The following PRKDC variants were observed in gnomAD, a reference collection of about 807,000 sequenced individuals.
PRKDC encodes the protein protein kinase, DNA-activated, catalytic subunit.
PRKDC carries 82 observed loss-of-function variants against 486.9 expected under a neutral mutation model. The observed-to-expected ratio is 0.17, with a 90% CI of 0.14 to 0.20. The LOEUF (loss-of-function observed/expected upper bound fraction) is 0.20, where lower values mean the gene tolerates loss of function less well. Among genes scored for constraint, PRKDC ranks in the 10% least tolerant of loss-of-function variants. The probability of loss-of-function intolerance (pLI) is 1.00; values close to 1 mark genes in which losing one functional copy is unlikely to be tolerated. For synonymous variants in PRKDC, 1,895 were observed against 1,837.0 expected (o/e 1.03, Z -0.81); for missense variants, 4,504 against 5,038.2 (o/e 0.89, Z 3.21).
chr8:47,795,331 A>G (rs1392160557), intron 73 of PRKDC, among the ~76,000 whole-genome samples: 2 of 148,824 alleles, frequency 1.3e-5, no homozygotes, highest in African/African-American at 5.0e-5. Flanking sequence ...CTGGGACTAC[A>G]GGCGCCTGCC....
At chr8:47,875,930 T>C (rs2089082973) in intron 40 of PRKDC, among the ~76,000 whole-genome samples, 1 of 152,214 alleles carries the variant, frequency 6.6e-6, no homozygotes, top group Non-Finnish European at 1.5e-5. Context: ...TTTTTAAAAA[T>C]ATCAGTAGAA....
At chr8:47,838,439 C>T (rs2088073342) in intron 56 of PRKDC, among the ~76,000 whole-genome samples, 1 of 152,028 alleles carries the variant, frequency 6.6e-6, no homozygotes, top group Admixed American at 6.6e-5. Context: ...TAGCAAGACC[C>T]TATCTTTACA....
chr8:47,856,314 G>A (rs868081128), intron 49 of PRKDC, among the ~76,000 whole-genome samples: 7 of 152,024 alleles, frequency 4.6e-5, no homozygotes, highest in African/African-American at 9.7e-5. Context: ...CACAACCTCC[G>A]CCTCCCGGGT....
At chr8:47,957,073 A>T (rs1456748634) in intron 3 of PRKDC, 98 bp downstream of exon 3, 1 of 806,106 alleles carries the variant, frequency 1.2e-6, no homozygotes, top group Non-Finnish European at 1.9e-6. Context: ...GAGAAAGGAA[A>T]ATGTTTTATC....
intron 10 of PRKDC, among the ~76,000 whole-genome samples, chr8:47,941,531 C>A (rs2090445345): frequency 1.3e-5 from 2 of 152,216 alleles, no homozygotes; most frequent in South Asian, 4.1e-4. Context: ...CCAGTCAATG[C>A]TCCACACATG....
At chr8:47,780,942 A>C (rs970051002) in intron 80 of PRKDC, among the ~76,000 whole-genome samples, 5 of 152,222 alleles carry the variant, frequency 3.3e-5, no homozygotes, top group African/African-American at 1.2e-4. Flanking sequence ...GTCTCAAAAA[A>C]ACAAAACACT....
intron 56 of PRKDC, among the ~76,000 whole-genome samples, chr8:47,838,518 A>T (rs2088074823): frequency 6.6e-6 from 1 of 152,144 alleles, no homozygotes; most frequent in Admixed American, 6.5e-5. Context: ...AGGCTGAGGG[A>T]GGAGGATCAT....
At position 47,819,453 on chromosome 8, in the gene PRKDC, C is replaced by A; in HGVS notation, c.9394G>T (p.Val3132Leu). The change falls in exon 67 of 86, where the codon GTA (valine) becomes TTA (leucine). Residue 3132 changes from valine to leucine, a missense_variant. Transcript: ENST00000314191. ...HQSRLTKLQS[V>L]QALTEIQEFI... ...TCCTGAATTTCTGTTAAAGCCTGTA[C>A]AGACTGCAATTTGGTGAGTCTACTT... 6.5e-7 allele frequency: 1 copy of A among 1,540,866 alleles called. No homozygotes were observed. Among genetic ancestry groups the A allele is most frequent in the Non-Finnish European group, 8.7e-7 (1 of 1,152,278 alleles).
chr8:47,882,195 A>T (rs575306873), intron 36 of PRKDC, 98 bp from the exon 37 acceptor site: 1 of 1,154,926 alleles, frequency 8.7e-7, no homozygotes, highest in African/African-American at 1.6e-5. Context: ...TGGAAAATAA[A>T]TAAGCTATTT....
intron 21 of PRKDC, among the ~76,000 whole-genome samples, chr8:47,921,012 G>C (rs1288542314): frequency 6.6e-6 from 1 of 152,166 alleles, no homozygotes; most frequent in Non-Finnish European, 1.5e-5. Context: ...CCAGCACTTT[G>C]GGAGGCCGAG....
chr8:47,877,641 CTT>C, intron 40 of PRKDC, 81 bp downstream of exon 40: 1 of 1,263,184 alleles, frequency 7.9e-7, no homozygotes, highest in Non-Finnish European at 1.0e-6. Flanking sequence ...TGCCACTCAG[CTT>C]TTTTTTTGGA....
Position 47,777,801 on chromosome 8 carries a change from T to C in PRKDC, c.11927A>G (p.Glu3976Gly), listed in dbSNP as rs779675459. The change falls in exon 84 of 86, where the codon GAA becomes GGA. Residue 3976 changes from glutamate to glycine, a missense_variant. Physicochemically the swap from Glu to Gly is moderately conservative, Grantham distance 98. Coordinates refer to ENST00000314191, the MANE Select transcript of PRKDC (RefSeq NM_006904.7). Reference sequence around the variant, plus strand: ...CATGATGCTGTACATAAGGCCCGTTTCTTTCATTGGTAACATCAGATTGAT... The same window carrying C: ...CATGATGCTGTACATAAGGCCCGTTCCTTTCATTGGTAACATCAGATTGAT... ...QFINLMLPMK[E>G]TGLMYSIMVH... is the part of the protein sequence containing the mutation. 4.3e-6 allele frequency: 7 copies of C among 1,614,042 alleles called. No individual in the cohort carries two copies. In the Admixed American group the frequency reaches 1.0e-4, roughly 23 times the overall value.
intron 64 of PRKDC, 120 bp downstream of exon 64, chr8:47,823,738 G>C: frequency 8.4e-7 from 1 of 1,196,804 alleles, no homozygotes; most frequent in East Asian, 2.4e-5. Flanking sequence ...CATCAACATT[G>C]TAACGAAAAG....
chr8:47,922,244 C>T (rs1261211897), intron 21 of PRKDC, among the ~76,000 whole-genome samples: 1 of 151,924 alleles, frequency 6.6e-6, no homozygotes, highest in African/African-American at 2.4e-5. Context: ...GCAATCCTCC[C>T]ACCTCAGCCT....
At chr8:47,778,427 T>C in intron 83 of PRKDC, 32 bp downstream of exon 83, 2 of 1,598,822 alleles carry the variant, frequency 1.3e-6, no homozygotes, top group Non-Finnish European at 8.5e-7. Context: ...ACTCTCGCCT[T>C]GCCCAGGATC....
At chr8:47,806,660 T>C (rs1217563726) in intron 69 of PRKDC, among the ~76,000 whole-genome samples, 1 of 152,128 alleles carries the variant, frequency 6.6e-6, no homozygotes, top group Non-Finnish European at 1.5e-5. Flanking sequence ...CAAGAAGGGG[T>C]CCTAGTATTA....
At chr8:47,943,417 C>A in intron 9 of PRKDC, 51 bp from the exon 10 acceptor site, 1 of 1,523,984 alleles carries the variant, frequency 6.6e-7, no homozygotes, top group Non-Finnish European at 8.8e-7. Flanking sequence ...TAACACAGAA[C>A]AGAAAACCAA....
chr8:47,825,424 G>A (rs1187974210), intron 63 of PRKDC, among the ~76,000 whole-genome samples: 2 of 144,080 alleles, frequency 1.4e-5, no homozygotes, highest in African/African-American at 2.6e-5. Context: ...CAGGAGAATC[G>A]CTTGAACCCG....
rs2088048731 is a variant in PRKDC, at chr8:47,837,321, T to A, written c.7652A>T (p.Glu2551Val). 6.2e-7 allele frequency: 1 copy of A among 1,613,376 alleles called. No individual in the cohort carries two copies. ...TGTTGCTAAACTTAAAAAGTGCACT[T>A]CTATCTTAGGAGAATATAAGGAATT... Reference protein sequence around the residue: ...ALNSLYSPKIEVHFLSLATNF... With the variant: ...ALNSLYSPKIVVHFLSLATNF... Residue 2551 changes from glutamate to valine, a missense_variant, in exon 57 of 86, where the codon GAA (glutamate) becomes GTA (valine). Glu to Val is a moderately radical substitution (Grantham distance 121). Transcript: ENST00000314191.
Sources: gnomAD v4.1 joint callset for allele counts (sites outside exome capture counted in the v4.1 genomes callset) on GRCh38, gnomAD v4.1.1 for gene constraint, MANE v1.5 for transcripts, NCBI Gene and HGNC (gene_info 2026-07-23, HGNC 2026-07-21) for gene names.